The following PAQR3 variants were observed in gnomAD, a reference collection of about 807,000 sequenced individuals.
PAQR3 encodes the protein Raf kinase trapping to Golgi.
In PAQR3, 39 loss-of-function variants were observed where a neutral mutation model predicts 41.7. The observed-to-expected ratio is 0.93, with a 90% CI of 0.72 to 1.22. The LOEUF (loss-of-function observed/expected upper bound fraction) is 1.22. Ranked by LOEUF, PAQR3 falls within the 50% of genes most tolerant of loss-of-function variation. PAQR3 has a pLI of 0.00. For synonymous variants in PAQR3, 140 were observed against 140.6 expected, an observed-to-expected ratio of 1.00 and a Z score of 0.03; for missense variants, 366 against 385.6, an observed-to-expected ratio of 0.95 and a Z score of 0.42.
At chr4:78,887,335 C>A in intron 12 of PAQR3, 1 of 1,311,226 alleles carries the variant, frequency 7.6e-7, no homozygotes, top group Non-Finnish European at 1.1e-6. Flanking sequence ...CACACAAGAA[C>A]AACAGCAAAA....
intron 5 of PAQR3, chr4:78,922,475 C>T (rs1560572573): frequency 8.1e-7 from 1 of 1,240,616 alleles, no homozygotes; most frequent in Non-Finnish European, 1.1e-6. Context: ...AAACTGCTCC[C>T]TGACTCATAG....
In PAQR3 at chr4:78,912,233, G is replaced by T. The variant is rs1560561999; in HGVS notation, c.*8306C>A. On this transcript the variant is annotated 3_prime_UTR_variant, in exon 6 of 6. Coordinates refer to ENST00000512733, the MANE Select transcript of PAQR3 (RefSeq NM_001040202.2). ...CTTGATTCCTCTTCAGGAGAAAAGG[G>T]AGCTAAATTGCAAGCTCTAACTAAG... is the stretch of plus-strand genomic sequence containing the variant. 1.9e-6 allele frequency: 1 copy of T among 522,544 alleles called. No individual in the cohort carries two copies. The highest frequency in any genetic ancestry group is 1.9e-5 in the African/African-American group (1 of 51,942). 32.4% of individuals were successfully genotyped at this position (522,544 alleles called of 1,614,324 possible).
chr4:78,898,147 G>C (rs190033623), intron 11 of PAQR3, among the ~76,000 whole-genome samples: 17 of 152,318 alleles, frequency 1.1e-4, no homozygotes, highest in African/African-American at 4.1e-4. Context: ...AGTATGTTCA[G>C]AGAATTGCAG....
intron 2 of PAQR3, chr4:78,933,302 T>C: frequency 6.6e-6 from 3 of 456,052 alleles, no homozygotes; most frequent in South Asian, 4.6e-5. Flanking sequence ...CAAGGCATTA[T>C]TGTATTCTAA....
chr4:78,937,767 G>A (rs1311891273), intron 1 of PAQR3, among the ~76,000 whole-genome samples: 2 of 152,334 alleles, frequency 1.3e-5, no homozygotes, highest in African/African-American at 4.8e-5. Context: ...TAGCTCAAGA[G>A]CTAATGCTCT....
chr4:78,920,520 C>G lies in PAQR3; in HGVS notation c.*19G>C. On this transcript the variant is annotated 3_prime_UTR_variant, in exon 6 of 6. Coordinates refer to ENST00000512733, the MANE Select transcript of PAQR3 (RefSeq NM_001040202.2). Reference sequence around the variant, plus strand: ...ATATATTGCTTAACAACTGAATTCACCAGGTGGCCATACCTAATTCACAAA... The same window carrying G: ...ATATATTGCTTAACAACTGAATTCAGCAGGTGGCCATACCTAATTCACAAA... 6.2e-7 allele frequency: 1 copy of G among 1,600,658 alleles called. No homozygotes were observed. Among genetic ancestry groups the G allele is most frequent in the Non-Finnish European group, 8.5e-7 (1 of 1,173,532 alleles).
At chr4:78,933,226 T>TAGTG (rs750953415) in intron 2 of PAQR3, 19 of 456,306 alleles carry the variant, frequency 4.2e-5, no homozygotes, top group South Asian at 2.6e-4. Context: ...ATGCCTTGTA[T>TAGTG]AGTGTCTGGA....
chr4:78,890,405 C>CACACAA (rs1733369331), intron 11 of PAQR3, among the ~76,000 whole-genome samples: 1 of 91,704 alleles, frequency 1.1e-5, no homozygotes, highest in African/African-American at 2.1e-4. Flanking sequence ...CAATCATGCG[C>CACACAA]ACACACACAC....
In PAQR3 at chr4:78,939,265, CA is replaced by C. The variant is rs760310495; in HGVS notation, c.-42del. On this transcript the variant is annotated 5_prime_UTR_variant, in exon 1 of 6. Transcript: ENST00000512733. ...CCGCTCCCCGGCTCGGGAGCTCCCC[CA>C]GGTCCCGCCTCCCCGGGGAGGGGGC... 1.3e-6 allele frequency: 2 copies of C among 1,547,950 alleles called. No homozygotes were observed. Among genetic ancestry groups the C allele is most frequent in the Non-Finnish European group, 1.7e-6 (2 of 1,150,510 alleles).
intron 11 of PAQR3, among the ~76,000 whole-genome samples, chr4:78,894,393 G>A (rs1044960869): frequency 6.6e-6 from 1 of 152,122 alleles, no homozygotes; most frequent in African/African-American, 2.4e-5. Context: ...GAAATCTTCC[G>A]GATAACTTGT....
chr4:78,931,209 A>AC, intron 2 of PAQR3, among the ~76,000 whole-genome samples: 1 of 150,202 alleles, frequency 6.7e-6, no homozygotes, highest in Non-Finnish European at 1.5e-5. Flanking sequence ...AAAAAAAAAA[A>AC]AAATTGGGCA....
At chr4:78,938,571 T>C (rs899690910) in intron 1 of PAQR3, among the ~76,000 whole-genome samples, 5 of 152,170 alleles carry the variant, frequency 3.3e-5, no homozygotes, top group African/African-American at 1.2e-4. Context: ...CTTTTTTTTC[T>C]GCATGGGCTC....
intron 11 of PAQR3, among the ~76,000 whole-genome samples, chr4:78,893,325 A>G (rs77715527): frequency 0.027 from 4,148 of 152,276 alleles, 207 homozygotes; most frequent in African/African-American, 0.095. Flanking sequence ...TGCTCTTTCC[A>G]TGACATCTGC....
intron 11 of PAQR3, among the ~76,000 whole-genome samples, chr4:78,902,210 A>G (rs776217116): frequency 2.0e-5 from 3 of 152,204 alleles, no homozygotes; most frequent in African/African-American, 4.8e-5. Context: ...TTAAGCTTAC[A>G]TAGTTTATAA....
chr4:78,923,079 AG>A, intron 5 of PAQR3: 1 of 418,906 alleles, frequency 2.4e-6, no homozygotes, highest in South Asian at 1.7e-5. Context: ...GCTGGGTGCC[AG>A]GAAGCCTAAA....
Position 78,939,073 on chromosome 4 carries a change from C to G in PAQR3, c.152G>C (p.Arg51Pro), listed in dbSNP as rs769531255. The change falls in exon 1 of 6, where the codon CGG becomes CCG. Residue 51 changes from arginine to proline, a missense_variant. Physicochemically the swap from Arg to Pro is moderately radical, Grantham distance 103. Transcript: ENST00000512733. Reference protein sequence around the residue: ...KDNPYITDGYRAYLPSRLCIK... With the variant: ...KDNPYITDGYPAYLPSRLCIK... ...ACACAGCCTGGACGGCAGGTAGGCC[C>G]GGTAGCCGTCGGTGATGTACGGGTT... 1.2e-6 allele frequency: 2 copies of G among 1,611,078 alleles called. No individual in the cohort carries two copies. The highest frequency in any genetic ancestry group is 1.7e-6 in the Non-Finnish European group (2 of 1,178,024).
intron 12 of PAQR3, chr4:78,887,440 C>T (rs1185529794): frequency 1.6e-6 from 1 of 619,642 alleles, no homozygotes; most frequent in Non-Finnish European, 2.8e-6. Context: ...TAATGATGTT[C>T]TTTGCATTGA....
chr4:78,898,497 T>A (rs62307968), intron 11 of PAQR3, among the ~76,000 whole-genome samples: 10,376 of 150,844 alleles, frequency 0.069, 490 homozygotes, highest in East Asian at 0.22. Flanking sequence ...GTGGAGGTAA[T>A]AGGTAGAAAT....
intron 1 of PAQR3, among the ~76,000 whole-genome samples, chr4:78,935,833 T>C (rs752590152): frequency 6.6e-6 from 1 of 152,100 alleles, no homozygotes; most frequent in South Asian, 2.1e-4. Context: ...AAAATAAATA[T>C]ATATTGATCC....
Sources: allele counts gnomAD v4.1 joint callset (sites outside exome capture counted in the v4.1 genomes callset), GRCh38; gene constraint gnomAD v4.1.1; transcripts MANE v1.5; gene names NCBI Gene and HGNC (gene_info 2026-07-23, HGNC 2026-07-21).